PPP2R5D: variants seen among roughly 807,000 people sequenced by gnomAD.
The protein encoded by PPP2R5D is serine/threonine-protein phosphatase 2A 56 kDa regulatory subunit delta isoform.
In PPP2R5D, 12 loss-of-function variants were observed where a neutral mutation model predicts 79.1. The ratio of observed to expected loss-of-function variants is 0.15; its 90% CI spans 0.10 to 0.25. The LOEUF (loss-of-function observed/expected upper bound fraction) is 0.25. PPP2R5D is among the 10% of genes least tolerant of loss of function. The pLI, the probability that PPP2R5D is intolerant of heterozygous loss-of-function variation, is 1.00. For missense variants in PPP2R5D, 419 were observed against 760.2 expected (o/e 0.55, Z 5.28); for synonymous variants, 277 against 286.6 (o/e 0.97, Z 0.34).
chr6:42,990,354 T>C (rs990113941), intron 2 of PPP2R5D, among the ~76,000 whole-genome samples: 44 of 152,190 alleles, frequency 2.9e-4, no homozygotes, highest in African/African-American at 1.1e-3. Context: ...ACATCCTACC[T>C]GGAAACTGGT....
At chr6:42,985,681 T>C (rs966785962) in intron 1 of PPP2R5D, among the ~76,000 whole-genome samples, 2 of 151,878 alleles carry the variant, frequency 1.3e-5, no homozygotes. Flanking sequence ...TGGGAATTTG[T>C]CCTCACTGTC....
In PPP2R5D at chr6:43,004,857, C is replaced by G. The variant is rs527371089; in HGVS notation, c.106-1606C>G. 4.0e-5 allele frequency among the ~76,000 whole-genome samples: 6 copies of G among 150,788 alleles called. No homozygotes were observed. In the South Asian group the frequency reaches 1.2e-3, roughly 31 times the overall value. On this transcript the variant is annotated intron_variant, in intron 2 of 15. Transcript: ENST00000485511. ...TGCAACCTCCTGGGTTCAAGTGATT[C>G]TCCTGCCTCAGCCTCCCGAGTAGCT...
chr6:42,985,881 G>A (rs998014372), intron 1 of PPP2R5D, among the ~76,000 whole-genome samples: 5 of 151,130 alleles, frequency 3.3e-5, no homozygotes, highest in Non-Finnish European at 7.4e-5. Flanking sequence ...AGCTTCAAGC[G>A]ATTCTCCTGC....
In PPP2R5D at chr6:43,010,722, CG is replaced by C; in HGVS notation, c.1542del (p.Asn516IlefsTer32). 6.2e-7 allele frequency: 1 copy of C among 1,613,942 alleles called. No homozygotes were observed. Among genetic ancestry groups the C allele is most frequent in the South Asian group, 1.1e-5 (1 of 91,080 alleles). ...EMWQKIEELA[R>X]LNPQYPMFRA... ...GTGGCAAAAAATCGAGGAGCTGGCC[CG>C]GCTTAATCCCCAGGTGAGGTTTTCC... On this transcript the variant is annotated frameshift_variant, in exon 14 of 16. Transcript: ENST00000485511. LOFTEE classifies it high-confidence loss of function. This position sits in a 1 kb window ranked among gnomAD's most constrained non-coding sequence, Gnocchi z 4.7.
intron 2 of PPP2R5D, among the ~76,000 whole-genome samples, chr6:42,997,048 C>T (rs1056490899): frequency 2.6e-5 from 4 of 151,766 alleles, no homozygotes; most frequent in African/African-American, 9.7e-5. Flanking sequence ...CCTTTGTTGC[C>T]CAGGCTGGAG....
intron 2 of PPP2R5D, among the ~76,000 whole-genome samples, chr6:42,999,494 A>G (rs1013999948): frequency 8.5e-5 from 13 of 152,198 alleles, no homozygotes; most frequent in Admixed American, 7.9e-4. Context: ...CTAGCCTTCA[A>G]TAACACAATG....
chr6:42,989,738 C>T (rs2150251260), intron 2 of PPP2R5D, 50 bp downstream of exon 2: 1 of 1,526,658 alleles, frequency 6.6e-7, no homozygotes, highest in Non-Finnish European at 9.0e-7. Flanking sequence ...CCACCCGCAA[C>T]TCCATGATGG....
chr6:42,999,929 C>A (rs1772054358), intron 2 of PPP2R5D, among the ~76,000 whole-genome samples: 1 of 151,848 alleles, frequency 6.6e-6, no homozygotes, highest in African/African-American at 2.4e-5. Context: ...AACCACTGAT[C>A]TAGTCCTGCC....
At chr6:42,985,048 C>A (rs139696948) in intron 1 of PPP2R5D, among the ~76,000 whole-genome samples, 4,781 of 151,288 alleles carry the variant, frequency 0.032, 129 homozygotes, top group Middle Eastern at 0.11. Context: ...TGGCCCCGAT[C>A]CCCCTTCGGT....
intron 2 of PPP2R5D, among the ~76,000 whole-genome samples, chr6:43,004,119 T>A (rs1761928149): frequency 6.6e-6 from 1 of 151,878 alleles, no homozygotes; most frequent in Admixed American, 6.6e-5. Context: ...GCCTCCTGGG[T>A]TTGAGCAATT....
At chr6:43,004,396 T>C (rs959830450) in intron 2 of PPP2R5D, among the ~76,000 whole-genome samples, 14 of 152,182 alleles carry the variant, frequency 9.2e-5, no homozygotes, top group African/African-American at 3.4e-4. Flanking sequence ...TTTTGTTTTA[T>C]TTCAAAATTT....
chr6:42,993,570 G>A (rs898082610), intron 2 of PPP2R5D, among the ~76,000 whole-genome samples: 18 of 152,244 alleles, frequency 1.2e-4, no homozygotes, highest in Admixed American at 6.5e-4. Context: ...TCCTTCTGAG[G>A]TTCTAAGGAA....
chr6:42,989,631 A>G lies in PPP2R5D; in HGVS notation c.48A>G (p.Lys16=). The change falls in exon 2 of 16, where the codon AAA becomes AAG. Residue 16 remains lysine (K), a synonymous_variant. Coordinates refer to ENST00000485511, the MANE Select transcript of PPP2R5D (RefSeq NM_006245.4). ...KKEKEPPKVA[K]CTAKPSSSGK... is the part of the protein sequence containing the mutation. ...TTCAGGAGCCCCCCAAGGTTGCCAA[A>G]TGCACAGCCAAGCCTAGCAGCTCGG... 6.2e-7 allele frequency: 1 copy of G among 1,614,000 alleles called. No individual in the cohort carries two copies. The highest frequency in any genetic ancestry group is 8.5e-7 in the Non-Finnish European group (1 of 1,179,904).
Position 43,011,229 on chromosome 6 carries a change from A to T in PPP2R5D, c.1752A>T (p.Ala584=). The change falls in exon 16 of 16, where the codon GCA becomes GCT. Residue 584 remains alanine, a synonymous_variant. Coordinates refer to ENST00000485511, the MANE Select transcript of PPP2R5D (RefSeq NM_006245.4). ...ELPQDVYTIK[A]LEAHKRAEEF... ...CCCAGGACGTGTACACCATCAAGGC[A>T]CTGGAGGCGCACAAGCGGGCGGAAG... 6.2e-7 allele frequency: 1 copy of T among 1,614,120 alleles called. No individual in the cohort carries two copies. Among genetic ancestry groups the T allele is most frequent in the Non-Finnish European group, 8.5e-7 (1 of 1,180,022 alleles).
At position 43,010,669 on chromosome 6, in the gene PPP2R5D, G is replaced by A. The variant is rs370854735; in HGVS notation, c.1487G>A (p.Arg496Gln). 3.7e-6 allele frequency: 6 copies of A among 1,613,910 alleles called. No homozygotes were observed. Among genetic ancestry groups the A allele is most frequent in the African/African-American group, 1.3e-5 (1 of 74,892 alleles). Residue 496 changes from arginine to glutamine, a missense_variant, in exon 14 of 16, where the codon CGG (arginine) becomes CAG (glutamine). This residue lies in a region of PPP2R5D where 196 missense variants were observed against 424.5 expected (regional missense o/e 0.46). Coordinates refer to ENST00000485511, the MANE Select transcript of PPP2R5D (RefSeq NM_006245.4). The surrounding 1 kb of genome is among the most constrained non-coding windows in gnomAD (Gnocchi z 4.7). ...ATCCTACTTTTGCTCCTCAGGGGCC[G>A]GTTCCGAATGAAGGAAAGGGAAGAG... ...QQYKAEKQKG[R>Q]FRMKEREEMW...
rs12664413 is a variant in PPP2R5D, at chr6:42,996,731, A to C, written c.105+7043A>C. On this transcript the variant is annotated intron_variant, in intron 2 of 15. Transcript: ENST00000485511. Reference sequence around the variant, plus strand: ...TATAGAATTTGCATATAAACTTTTAATCTTTAATGCTTAGCATGATGTTTA... The same window carrying C: ...TATAGAATTTGCATATAAACTTTTACTCTTTAATGCTTAGCATGATGTTTA... Among the ~76,000 whole-genome samples the C allele has an allele frequency of 1.5e-4, 23 of 152,294 alleles. No homozygotes were observed. In the East Asian group the frequency reaches 4.1e-3, roughly 27 times the overall value.
Position 42,990,018 on chromosome 6 carries a change from A to G in PPP2R5D, c.105+330A>G, listed in dbSNP as rs535881227. Among the ~76,000 whole-genome samples the G allele has an allele frequency of 3.9e-5, 6 of 152,220 alleles. No individual in the cohort carries two copies. The South Asian group carries it at 1.0e-3, about 26-fold the overall frequency. On this transcript the variant is annotated intron_variant, in intron 2 of 15. Transcript: ENST00000485511. ...TGGGCAAAAGGGGAAAAGTCCACAG[A>G]CACTTGATGGGGTAACAAGTGACTT...
At chr6:42,991,463 C>G (rs1205035224) in intron 2 of PPP2R5D, among the ~76,000 whole-genome samples, 1 of 152,152 alleles carries the variant, frequency 6.6e-6, no homozygotes, top group Non-Finnish European at 1.5e-5. Flanking sequence ...CTCGCGAGGG[C>G]TTCTGTTAGT....
At position 43,012,066 on chromosome 6, in the gene PPP2R5D, A is replaced by C. The variant is rs1762377467; in HGVS notation, c.*780A>C. The C allele has an allele frequency of 2.6e-6, 1 of 385,246 alleles. No individual in the cohort carries two copies. Among genetic ancestry groups the C allele is most frequent in the African/African-American group, 2.2e-5 (1 of 45,778 alleles). The allele number at this position is 385,246 out of a possible 1,614,324, so 23.9% of individuals were successfully genotyped here. Reference sequence around the variant, plus strand: ...TTGGTTCCCAAAACTAGAAAGAAGGAAGCAGGGAGCGGTGCCCCAAGCATG... The same window carrying C: ...TTGGTTCCCAAAACTAGAAAGAAGGCAGCAGGGAGCGGTGCCCCAAGCATG... On this transcript the variant is annotated 3_prime_UTR_variant, in exon 16 of 16. Transcript: ENST00000485511.
Sources: gnomAD v4.1 joint callset for allele counts (sites outside exome capture counted in the v4.1 genomes callset) on GRCh38, gnomAD v4.1.1 for gene constraint, gnomAD v4.1.1 regional missense constraint, Gnocchi (gnomAD v3.1) non-coding constraint, MANE v1.5 for transcripts, NCBI Gene and HGNC (gene_info 2026-07-23, HGNC 2026-07-21) for gene names.